The following PTPN11 variants were observed in gnomAD, a reference collection of about 807,000 sequenced individuals.
PTPN11 encodes protein tyrosine phosphatase non-receptor type 11, also known as tyrosine-protein phosphatase non-receptor type 11.
Under a neutral mutation model 78.8 loss-of-function variants are expected in PTPN11, and 6 were observed. The observed-to-expected ratio is 0.08, with a 90% CI of 0.04 to 0.15. The LOEUF (loss-of-function observed/expected upper bound fraction) is 0.15. PTPN11 is among the 10% of genes least tolerant of loss of function. The probability of loss-of-function intolerance (pLI) is 1.00; values close to 1 mark genes in which losing one functional copy is unlikely to be tolerated. For synonymous variants in PTPN11, 221 were observed against 263.5 expected (o/e 0.84, Z 1.56); for missense variants, 386 against 744.8 (o/e 0.52, Z 5.61).
intron 9 of PTPN11, among the ~76,000 whole-genome samples, chr12:112,481,257 A>G (rs1208315361): frequency 6.6e-6 from 1 of 152,166 alleles, no homozygotes; most frequent in Admixed American, 6.5e-5. Flanking sequence ...CCTCCTCCAG[A>G]ATCTGTGCTT....
intron 1 of PTPN11, among the ~76,000 whole-genome samples, chr12:112,440,945 T>C (rs1042329675): frequency 4.6e-5 from 7 of 151,276 alleles, no homozygotes; most frequent in African/African-American, 1.7e-4. Context: ...ATCTGAGCTT[T>C]ACGATTTTTC....
At chr12:112,463,116 ACTTC>A (rs759824524) in intron 6 of PTPN11, among the ~76,000 whole-genome samples, 28 of 152,326 alleles carry the variant, frequency 1.8e-4, no homozygotes, top group Non-Finnish European at 3.8e-4. Context: ...AGAATCTTAT[ACTTC>A]CTTTACAAAT....
chr12:112,475,661 A>G (rs2038490733), intron 7 of PTPN11, among the ~76,000 whole-genome samples: 1 of 152,252 alleles, frequency 6.6e-6, no homozygotes, highest in South Asian at 2.1e-4. Context: ...TTGTGATCAA[A>G]TTTGGAGAGC....
At chr12:112,419,386 G>A (rs1366411661) in intron 1 of PTPN11, among the ~76,000 whole-genome samples, 2 of 152,206 alleles carry the variant, frequency 1.3e-5, no homozygotes, top group Non-Finnish European at 2.9e-5. Context: ...TCAGGCCCGG[G>A]GCAGGTAGAG....
chr12:112,441,328 C>A (rs2037886860), intron 1 of PTPN11, among the ~76,000 whole-genome samples: 2 of 151,566 alleles, frequency 1.3e-5, no homozygotes, highest in South Asian at 4.2e-4. Context: ...GTGGTGCGAT[C>A]TCTGCTCACT....
intron 1 of PTPN11, among the ~76,000 whole-genome samples, chr12:112,424,407 G>C (rs907259478): frequency 3.9e-5 from 6 of 152,128 alleles, no homozygotes; most frequent in Non-Finnish European, 8.8e-5. Flanking sequence ...CAAAATCATA[G>C]AAGGATGTGA....
chr12:112,469,127 A>G (rs2038374070), intron 6 of PTPN11, among the ~76,000 whole-genome samples: 1 of 152,146 alleles, frequency 6.6e-6, no homozygotes, highest in Non-Finnish European at 1.5e-5. Flanking sequence ...CCCAGCCAAA[A>G]TGAGTATTGA....
intron 13 of PTPN11, among the ~76,000 whole-genome samples, chr12:112,495,778 C>T (rs952185802): frequency 1.3e-5 from 2 of 152,172 alleles, no homozygotes; most frequent in Non-Finnish European, 2.9e-5. Flanking sequence ...GCAAAATCAT[C>T]TCATGGGAAG....
At chr12:112,464,133 A>T (rs2038290173) in intron 6 of PTPN11, among the ~76,000 whole-genome samples, 1 of 152,232 alleles carries the variant, frequency 6.6e-6, no homozygotes, top group African/African-American at 2.4e-5. Context: ...CAGAGCTCTA[A>T]ATTGTAATGC....
intron 2 of PTPN11, among the ~76,000 whole-genome samples, chr12:112,447,556 A>G (rs570050992): frequency 6.6e-6 from 1 of 151,992 alleles, no homozygotes; most frequent in African/African-American, 2.4e-5. Context: ...CTGAAGTGCA[A>G]TGGCGTGATC....
chr12:112,471,135 A>G (rs1275527060), intron 6 of PTPN11, among the ~76,000 whole-genome samples: 1 of 152,220 alleles, frequency 6.6e-6, no homozygotes, highest in African/African-American at 2.4e-5. Context: ...GTCAAATACC[A>G]ATTTAAAGTC....
At chr12:112,497,981 T>C (rs1373690138) in intron 13 of PTPN11, among the ~76,000 whole-genome samples, 1 of 152,050 alleles carries the variant, frequency 6.6e-6, no homozygotes, top group East Asian at 1.9e-4. Flanking sequence ...GGTGAAACCC[T>C]GTCTCTATCA....
Position 112,506,461 on chromosome 12 carries a change from C to T in PTPN11, c.*669C>T, listed in dbSNP as rs1283301685. Reference sequence around the variant, plus strand: ...CTTTTTTTTTTTTCTTTTTTCCAGCCGTTGACCAATTATAGTTCGGCTGTT... The same window carrying T: ...CTTTTTTTTTTTTCTTTTTTCCAGCTGTTGACCAATTATAGTTCGGCTGTT... On this transcript the variant is annotated 3_prime_UTR_variant, in exon 16 of 16. Coordinates refer to ENST00000351677, the MANE Select transcript of PTPN11 (RefSeq NM_002834.5). The T allele has an allele frequency of 4.6e-5, 7 of 151,348 alleles. No individual in the cohort carries two copies. Among genetic ancestry groups the T allele is most frequent in the African/African-American group, 7.3e-5 (3 of 41,190 alleles). 9.4% of individuals were successfully genotyped at this position (151,348 alleles called of 1,614,324 possible).
At chr12:112,452,534 T>A (rs571080364) in intron 3 of PTPN11, among the ~76,000 whole-genome samples, 10 of 150,126 alleles carry the variant, frequency 6.7e-5, no homozygotes, top group African/African-American at 2.2e-4. Flanking sequence ...CCGACTTTTA[T>A]TTTTTTTTCT....
intron 1 of PTPN11, among the ~76,000 whole-genome samples, chr12:112,442,875 T>TATAA (rs1389404835): frequency 1.3e-5 from 1 of 74,890 alleles, no homozygotes; most frequent in Non-Finnish European, 2.5e-5. Flanking sequence ...TATATATATA[T>TATAA]ATAAATTATA....
chr12:112,446,159 AT>A, intron 1 of PTPN11, 116 bp from the exon 2 acceptor site: 1 of 1,326,846 alleles, frequency 7.5e-7, no homozygotes, highest in Non-Finnish European at 1.1e-6. Context: ...GAAGGTCTTG[AT>A]TTGTATTTTC....
chr12:112,493,504 T>G (rs973222970), intron 13 of PTPN11, among the ~76,000 whole-genome samples: 1 of 149,922 alleles, frequency 6.7e-6, no homozygotes, highest in African/African-American at 2.5e-5. Context: ...TTCTCCCACC[T>G]CAGCCTCCCA....
rs573872680 is a variant in PTPN11 at position 112,503,054 on chromosome 12, A to G, written c.1712+798A>G. On this transcript the variant is annotated intron_variant, in intron 14 of 15. Transcript: ENST00000351677. ...AGGAGTCAGCAAACTACAGCTCACA[A>G]GGCCAGATGTGGGCCATGGCCTGTT... Among the ~76,000 whole-genome samples, 6 of 152,360 alleles carry G rather than the reference A, an allele frequency of 3.9e-5. No individual in the cohort carries two copies. The East Asian group carries it at 5.8e-4, about 15-fold the overall frequency.
At chr12:112,499,426 A>G (rs758736218) in intron 13 of PTPN11, among the ~76,000 whole-genome samples, 10 of 151,862 alleles carry the variant, frequency 6.6e-5, no homozygotes, top group African/African-American at 2.2e-4. Flanking sequence ...TGCGACCTCT[A>G]TCTCCCAGGT....
Sources: gnomAD v4.1 joint callset for allele counts (sites outside exome capture counted in the v4.1 genomes callset) on GRCh38, gnomAD v4.1.1 for gene constraint, MANE v1.5 for transcripts, NCBI Gene and HGNC (gene_info 2026-07-23, HGNC 2026-07-21) for gene names.